Variants in RNF150 observed in about 807,000 individuals in gnomAD.
RNF150 encodes the protein ring finger protein 150.
A neutral mutation model predicts 39.3 loss-of-function variants in RNF150; 24 were observed. That is an observed-to-expected ratio of 0.61 (90% CI 0.44 to 0.86). The LOEUF (loss-of-function observed/expected upper bound fraction) is 0.86. Ranked by LOEUF, RNF150 falls within the 40% of genes least tolerant of loss-of-function variation. The probability of loss-of-function intolerance (pLI) is 0.00; values close to 1 mark genes in which losing one functional copy is unlikely to be tolerated. For missense variants in RNF150, 502 were observed against 587.8 expected, an observed-to-expected ratio of 0.85 and a Z score of 1.51; for synonymous variants, 255 against 227.3, an observed-to-expected ratio of 1.12 and a Z score of -1.10.
intron 4 of RNF150, among the ~76,000 whole-genome samples, chr4:140,935,033 A>ATATATATATAATATATATATAT (rs1731793424): frequency 6.1e-3 from 26 of 4,266 alleles, no homozygotes; most frequent in African/African-American, 0.01. Context: ...TATATTTATA[A>ATATATATATAATATATATATAT]TATATATATA....
intron 1 of RNF150, among the ~76,000 whole-genome samples, chr4:141,170,831 T>G (rs1207278140): frequency 6.6e-6 from 1 of 152,170 alleles, no homozygotes; most frequent in Non-Finnish European, 1.5e-5. Context: ...AAGAATGTGA[T>G]TGTTATAAGT....
At chr4:141,080,655 A>G (rs1374596844) in intron 1 of RNF150, among the ~76,000 whole-genome samples, 1 of 152,290 alleles carries the variant, frequency 6.6e-6, no homozygotes, top group South Asian at 2.1e-4. Context: ...AAACAAGCCT[A>G]TGAGGATATT....
chr4:140,886,345 G>A (rs963473008), intron 6 of RNF150, among the ~76,000 whole-genome samples: 1 of 152,168 alleles, frequency 6.6e-6, no homozygotes, highest in Non-Finnish European at 1.5e-5. Context: ...GTTCAGCTGA[G>A]TGGAGTGGGT....
rs188412302 is a variant in RNF150 at position 141,038,946 on chromosome 4, G to A, written c.485-71073C>T. 2.6e-4 allele frequency among the ~76,000 whole-genome samples: 39 copies of A among 152,240 alleles called. 1 individual carries two copies. The highest frequency in any genetic ancestry group is 2.3e-3 in the Admixed American group (35 of 15,282). ...CAGGCCTTTGGGGAGAAGGGAGGAG[G>A]CTCTGGGTGGTAGCCCGAAGGTCTA... On this transcript the variant is annotated intron_variant, in intron 1 of 6. Transcript: ENST00000515673.
chr4:141,091,881 T>C (rs1335034009), intron 1 of RNF150, among the ~76,000 whole-genome samples: 1 of 151,792 alleles, frequency 6.6e-6, no homozygotes, highest in African/African-American at 2.4e-5. Context: ...GTTTCACTGA[T>C]GGTGCCAAAC....
chr4:141,144,306 TC>T (rs2111130309), intron 1 of RNF150, among the ~76,000 whole-genome samples: 1 of 152,344 alleles, frequency 6.6e-6, no homozygotes, highest in African/African-American at 2.4e-5. Flanking sequence ...AAAAATATAA[TC>T]CTTATCCTCC....
chr4:140,885,435 C>CTTTT (rs1309319458), intron 6 of RNF150, among the ~76,000 whole-genome samples: 3 of 114,368 alleles, frequency 2.6e-5, no homozygotes, highest in African/African-American at 3.7e-5. Flanking sequence ...GTACATATAT[C>CTTTT]TTTTTTTTTT....
intron 1 of RNF150, among the ~76,000 whole-genome samples, chr4:141,014,186 T>A (rs928895213): frequency 1.6e-4 from 25 of 152,330 alleles, no homozygotes; most frequent in Non-Finnish European, 1.0e-4. Flanking sequence ...CCTTTAATGC[T>A]GAAAAGTATG....
chr4:141,040,629 G>A (rs530370292), intron 1 of RNF150, among the ~76,000 whole-genome samples: 56 of 152,196 alleles, frequency 3.7e-4, no homozygotes, highest in Non-Finnish European at 7.2e-4. Context: ...TATTATACTA[G>A]AACAGGCATA....
chr4:141,206,786 A>G (rs992603549), intron 1 of RNF150, among the ~76,000 whole-genome samples: 1 of 152,064 alleles, frequency 6.6e-6, no homozygotes, highest in Non-Finnish European at 1.5e-5. Context: ...AAGTCCCCCA[A>G]TAGGCTGTCT....
chr4:141,060,158 T>C (rs1365901509), intron 1 of RNF150, among the ~76,000 whole-genome samples: 2 of 152,192 alleles, frequency 1.3e-5, no homozygotes, highest in Non-Finnish European at 2.9e-5. Flanking sequence ...ATAAAATTTA[T>C]GTTCAGACAC....
At chr4:141,123,317 C>T (rs1340947141) in intron 1 of RNF150, among the ~76,000 whole-genome samples, 1 of 152,104 alleles carries the variant, frequency 6.6e-6, no homozygotes, top group African/African-American at 2.4e-5. Context: ...CTGAGAAGAG[C>T]AAAGATCACC....
At chr4:141,049,702 A>C (rs1394648210) in intron 1 of RNF150, among the ~76,000 whole-genome samples, 2 of 152,176 alleles carry the variant, frequency 1.3e-5, no homozygotes, top group Non-Finnish European at 2.9e-5. Context: ...ATATTTGCTA[A>C]TTAGAAAACA....
chr4:140,975,857 G>A (rs1337197593), intron 1 of RNF150, among the ~76,000 whole-genome samples: 2 of 152,140 alleles, frequency 1.3e-5, no homozygotes, highest in African/African-American at 4.8e-5. Context: ...ATGACCCCAT[G>A]TACCTTTTGC....
At chr4:140,896,980 G>A (rs1729984806) in intron 6 of RNF150, among the ~76,000 whole-genome samples, 1 of 152,122 alleles carries the variant, frequency 6.6e-6, no homozygotes, top group African/African-American at 2.4e-5. Context: ...GCATGACTAA[G>A]TAAAAACCTA....
intron 5 of RNF150, among the ~76,000 whole-genome samples, chr4:140,916,034 A>C (rs926448087): frequency 1.3e-5 from 2 of 152,144 alleles, no homozygotes; most frequent in Non-Finnish European, 2.9e-5. Flanking sequence ...CCACACCAAA[A>C]ACCCATCTGT....
At chr4:141,177,216 T>G (rs1049003381) in intron 1 of RNF150, among the ~76,000 whole-genome samples, 1 of 152,012 alleles carries the variant, frequency 6.6e-6, no homozygotes, top group African/African-American at 2.4e-5. Flanking sequence ...CTGGCAACAG[T>G]AAGACCTTAT....
rs1049323726 is a variant in RNF150 at position 140,859,896 on chromosome 4, A to G, written c.*8365T>C. 6.6e-6 allele frequency: 1 copy of G among 152,140 alleles called. No homozygotes were observed. Among genetic ancestry groups the G allele is most frequent in the Admixed American group, 6.5e-5 (1 of 15,272 alleles). The allele number at this position is 152,140 out of a possible 1,614,324, so 9.4% of individuals were successfully genotyped here. A position where few individuals can be genotyped will look rare whatever the true frequency, so the allele number is the denominator to read the frequency against. On this transcript the variant is annotated 3_prime_UTR_variant, in exon 7 of 7. Transcript: ENST00000515673. ...ACAACCCTCATTTAAAAATCCTTATAGTTGCAATATTTTTTTTTTAGCCAG... is the reference window on the plus strand; with the variant it reads ...ACAACCCTCATTTAAAAATCCTTATGGTTGCAATATTTTTTTTTTAGCCAG...
chr4:140,951,558 T>G (rs35198418), intron 2 of RNF150, among the ~76,000 whole-genome samples: 39,070 of 151,284 alleles, frequency 0.26, 5,122 homozygotes, highest in South Asian at 0.36. Context: ...GTTGTTTTTT[T>G]TTTTTTTTGC....
Sources: allele counts gnomAD v4.1 joint callset (sites outside exome capture counted in the v4.1 genomes callset), GRCh38; gene constraint gnomAD v4.1.1; transcripts MANE v1.5; gene names NCBI Gene and HGNC (gene_info 2026-07-23, HGNC 2026-07-21).